The following RTN1 variants were observed in gnomAD, a reference collection of about 807,000 sequenced individuals.
The protein encoded by RTN1 is reticulon-1.
RTN1 carries 25 observed loss-of-function variants against 65.5 expected under a neutral mutation model. The ratio of observed to expected loss-of-function variants is 0.38; its 90% CI spans 0.28 to 0.53. The LOEUF (loss-of-function observed/expected upper bound fraction) is 0.53, where lower values mean the gene tolerates loss of function less well. Ranked by LOEUF, RTN1 falls within the 20% of genes least tolerant of loss-of-function variation. The pLI is 0.79. For missense variants in RTN1, 983 were observed against 1,025.4 expected (o/e 0.96, Z 0.57); for synonymous variants, 471 against 447.6 (o/e 1.05, Z -0.66).
At chr14:59,777,816 CAACAACA>C (rs1886080094) in intron 1 of RTN1, among the ~76,000 whole-genome samples, 1 of 109,270 alleles carries the variant, frequency 9.2e-6, no homozygotes, top group Non-Finnish European at 1.9e-5. Flanking sequence ...ACAACAACAA[CAACAACA>C]AAAAAAAAAA....
chr14:59,787,812 G>A (rs1320773053), intron 1 of RTN1, among the ~76,000 whole-genome samples: 2 of 152,168 alleles, frequency 1.3e-5, no homozygotes, highest in East Asian at 3.9e-4. Flanking sequence ...GGCATAAGAT[G>A]GAAAGAGAAA....
At chr14:59,733,132 C>A (rs1884936414) in intron 2 of RTN1, among the ~76,000 whole-genome samples, 1 of 151,686 alleles carries the variant, frequency 6.6e-6, no homozygotes, top group South Asian at 2.1e-4. Context: ...CGCTTTGCCG[C>A]CCAGGCTGGA....
intron 2 of RTN1, among the ~76,000 whole-genome samples, chr14:59,736,075 A>T (rs12588222): frequency 1.3e-4 from 20 of 152,186 alleles, no homozygotes; most frequent in Non-Finnish European, 2.6e-4. Context: ...TTAAATGCCC[A>T]CATTAAAAAG....
At chr14:59,819,295 G>A (rs1301605292) in intron 1 of RTN1, among the ~76,000 whole-genome samples, 1 of 150,896 alleles carries the variant, frequency 6.6e-6, no homozygotes, top group Non-Finnish European at 1.5e-5. Context: ...GTTGGGGCTC[G>A]GGTGGCGGGT....
chr14:59,620,137 A>C (rs1379801734), intron 3 of RTN1, among the ~76,000 whole-genome samples: 1 of 152,184 alleles, frequency 6.6e-6, no homozygotes, highest in African/African-American at 2.4e-5. Context: ...GTTGTTTTCA[A>C]AGAAGGAGGG....
chr14:59,763,937 T>C (rs537510238), intron 1 of RTN1, among the ~76,000 whole-genome samples: 19 of 152,332 alleles, frequency 1.2e-4, no homozygotes, highest in African/African-American at 3.8e-4. Flanking sequence ...ATACATTGTT[T>C]TTAGGAATCT....
In RTN1 at chr14:59,816,266, A is replaced by T. The variant is rs1181033671; in HGVS notation, c.241+54124T>A. 6.6e-6 allele frequency among the ~76,000 whole-genome samples: 1 copy of T among 152,122 alleles called. No individual in the cohort carries two copies. The highest frequency in any genetic ancestry group is 2.4e-5 in the African/African-American group (1 of 41,410). On this transcript the variant is annotated intron_variant, in intron 1 of 8. Coordinates refer to ENST00000267484, the MANE Select transcript of RTN1 (RefSeq NM_021136.3). This position sits in a 1 kb window ranked among gnomAD's most constrained non-coding sequence, Gnocchi z 4.3. ...ACACACACTAGTTACTCAGGTGATTAATGAATGCTGATACAGACCTTTAGT... is the reference window on the plus strand; with the variant it reads ...ACACACACTAGTTACTCAGGTGATTTATGAATGCTGATACAGACCTTTAGT...
At chr14:59,612,464 T>C (rs1881981304) in intron 3 of RTN1, among the ~76,000 whole-genome samples, 1 of 152,214 alleles carries the variant, frequency 6.6e-6, no homozygotes, top group Non-Finnish European at 1.5e-5. Context: ...ATTACTGGTC[T>C]CCTCCGCAAG....
At chr14:59,673,349 T>C in intron 3 of RTN1, among the ~76,000 whole-genome samples, 1 of 152,154 alleles carries the variant, frequency 6.6e-6, no homozygotes, top group East Asian at 1.9e-4. Context: ...CTTTGCTTTT[T>C]TGTGTCTGGA....
chr14:59,677,619 A>T (rs1431966555), intron 3 of RTN1, among the ~76,000 whole-genome samples: 1 of 152,196 alleles, frequency 6.6e-6, no homozygotes, highest in Non-Finnish European at 1.5e-5. Context: ...ACAAACACAA[A>T]TTCTGGTCCT....
chr14:59,677,654 C>A (rs965844154), intron 3 of RTN1, among the ~76,000 whole-genome samples: 1 of 152,052 alleles, frequency 6.6e-6, no homozygotes, highest in Admixed American at 6.5e-5. Context: ...AAAGAACAGG[C>A]GTAATTATTT....
intron 1 of RTN1, among the ~76,000 whole-genome samples, chr14:59,854,932 T>C (rs1003435801): frequency 6.6e-6 from 1 of 152,224 alleles, no homozygotes; most frequent in South Asian, 2.1e-4. Context: ...AATGCTTGTT[T>C]CATAAGTAAC....
chr14:59,808,963 G>A (rs1345616492), intron 1 of RTN1, among the ~76,000 whole-genome samples: 2 of 152,056 alleles, frequency 1.3e-5, no homozygotes, highest in South Asian at 2.1e-4. Context: ...AACCATTAGC[G>A]AATTAAACCT....
At chr14:59,690,703 C>G (rs1248829877) in intron 3 of RTN1, among the ~76,000 whole-genome samples, 1 of 152,042 alleles carries the variant, frequency 6.6e-6, no homozygotes, top group Admixed American at 6.6e-5. Flanking sequence ...TAAAGCAAGT[C>G]TCAATAAATT....
Position 59,870,369 on chromosome 14 carries a change from G to A in RTN1, c.241+21C>T. ...GCCCTGGTCCCCGACGCCATTTGAGGGGCAGCGGCGCCCGCCTTACCTGTG... is the reference window on the plus strand; with the variant it reads ...GCCCTGGTCCCCGACGCCATTTGAGAGGCAGCGGCGCCCGCCTTACCTGTG... On this transcript the variant is annotated intron_variant, in intron 1 of 8. Transcript: ENST00000267484. The surrounding 1 kb of genome is among the most constrained non-coding windows in gnomAD (Gnocchi z 5.1). The A allele has an allele frequency of 6.7e-7, 1 of 1,489,544 alleles. No individual in the cohort carries two copies. The highest frequency in any genetic ancestry group is 1.3e-5 in the South Asian group (1 of 75,938). 92.3% of individuals were successfully genotyped at this position (1,489,544 alleles called of 1,614,324 possible). A position where few individuals can be genotyped will look rare whatever the true frequency, so the allele number is the denominator to read the frequency against.
chr14:59,796,219 G>C (rs1244606906), intron 1 of RTN1, among the ~76,000 whole-genome samples: 1 of 152,136 alleles, frequency 6.6e-6, no homozygotes, highest in Non-Finnish European at 1.5e-5. Flanking sequence ...ATGCTATACA[G>C]GTTTGTGGCC....
intron 3 of RTN1, among the ~76,000 whole-genome samples, chr14:59,665,586 T>A (rs1883350599): frequency 6.6e-6 from 1 of 152,160 alleles, no homozygotes; most frequent in African/African-American, 2.4e-5. Flanking sequence ...GATTCACATA[T>A]AACAATATTA....
At chr14:59,678,655 C>T (rs759382753) in intron 3 of RTN1, among the ~76,000 whole-genome samples, 9 of 152,166 alleles carry the variant, frequency 5.9e-5, no homozygotes, top group Non-Finnish European at 1.0e-4. Context: ...CTCCCAGGCA[C>T]AGAGGTACAG....
At chr14:59,716,190 C>T (rs950117429) in intron 3 of RTN1, among the ~76,000 whole-genome samples, 10 of 152,162 alleles carry the variant, frequency 6.6e-5, no homozygotes, top group Admixed American at 2.0e-4. Context: ...CCATAGAGAA[C>T]ATTTAGCTTT....
Sources: allele counts gnomAD v4.1 joint callset (sites outside exome capture counted in the v4.1 genomes callset), GRCh38; gene constraint gnomAD v4.1.1; non-coding constraint Gnocchi (gnomAD v3.1); transcripts MANE v1.5; gene names NCBI Gene and HGNC (gene_info 2026-07-23, HGNC 2026-07-21).